UNC5D: variants seen among roughly 807,000 people sequenced by gnomAD.
The protein encoded by UNC5D is netrin receptor UNC5D.
Under a neutral mutation model 105.4 loss-of-function variants are expected in UNC5D, and 39 were observed. The observed-to-expected ratio is 0.37, with a 90% CI of 0.29 to 0.48. The LOEUF is 0.48. Ranked by LOEUF, UNC5D falls within the 20% of genes least tolerant of loss-of-function variation. The probability of loss-of-function intolerance (pLI) is 0.98; values close to 1 mark genes in which losing one functional copy is unlikely to be tolerated. For missense variants in UNC5D, 991 were observed against 1,202.4 expected, an observed-to-expected ratio of 0.82 and a Z score of 2.60; for synonymous variants, 452 against 450.4, an observed-to-expected ratio of 1.00 and a Z score of -0.04.
At chr8:35,248,346 A>G (rs181809213) in intron 1 of UNC5D, among the ~76,000 whole-genome samples, 414 of 39,998 alleles carry the variant, frequency 0.01, 14 homozygotes, top group East Asian at 0.051. Context: ...TAATATATAA[A>G]TATATGTTAT....
intron 11 of UNC5D, 111 bp downstream of exon 11, chr8:35,731,207 T>G (rs1054268603): frequency 3.6e-5 from 34 of 940,146 alleles, no homozygotes; most frequent in Admixed American, 3.3e-4. Flanking sequence ...GAGACCAGCC[T>G]GGCCAACATG....
At chr8:35,391,238 G>A (rs1425699350) in intron 1 of UNC5D, among the ~76,000 whole-genome samples, 2 of 152,162 alleles carry the variant, frequency 1.3e-5, no homozygotes, top group South Asian at 2.1e-4. Context: ...AAGCCACCTC[G>A]TGTACTTTCC....
At chr8:35,325,018 AACCTTGTAAAG>A (rs1810039841) in intron 1 of UNC5D, among the ~76,000 whole-genome samples, 1 of 152,190 alleles carries the variant, frequency 6.6e-6, no homozygotes, top group Admixed American at 6.5e-5. Flanking sequence ...AAGTAGAAGC[AACCTTGTAAAG>A]ACTGAAAGTC....
chr8:35,704,291 A>G (rs1175189800), intron 7 of UNC5D, among the ~76,000 whole-genome samples: 2 of 152,208 alleles, frequency 1.3e-5, no homozygotes, highest in East Asian at 3.9e-4. Context: ...CTGCATTTAT[A>G]GCACACTGCA....
intron 4 of UNC5D, among the ~76,000 whole-genome samples, chr8:35,657,078 GTGTATATATATATATA>G (rs1238501056): frequency 0.027 from 2,192 of 80,376 alleles, 95 homozygotes; most frequent in African/African-American, 0.12. Context: ...GTGTGTGTGT[GTGTATATATATATATA>G]TATATATATA....
intron 3 of UNC5D, among the ~76,000 whole-genome samples, chr8:35,587,334 A>T (rs2579905): frequency 0.48 from 72,746 of 152,012 alleles, 21,126 homozygotes; most frequent in African/African-American, 0.83. Context: ...AATGAATGAA[A>T]GTGTTATTTT....
At chr8:35,541,509 C>T (rs1815272528) in intron 1 of UNC5D, among the ~76,000 whole-genome samples, 1 of 152,186 alleles carries the variant, frequency 6.6e-6, no homozygotes, top group South Asian at 2.1e-4. Context: ...CCTAAGATTT[C>T]TCTCTTACCT....
chr8:35,353,967 T>G (rs902483695), intron 1 of UNC5D, among the ~76,000 whole-genome samples: 1 of 152,152 alleles, frequency 6.6e-6, no homozygotes, highest in African/African-American at 2.4e-5. Flanking sequence ...CTGCATACTC[T>G]TTACAAAGCT....
At chr8:35,497,292 G>C (rs1284565077) in intron 1 of UNC5D, among the ~76,000 whole-genome samples, 1 of 152,296 alleles carries the variant, frequency 6.6e-6, no homozygotes, top group Admixed American at 6.5e-5. Context: ...CCTCTGGAAT[G>C]AGGGTCTTAT....
At chr8:35,685,317 A>C (rs921081828) in intron 6 of UNC5D, among the ~76,000 whole-genome samples, 1 of 152,218 alleles carries the variant, frequency 6.6e-6, no homozygotes. Context: ...TCATTTACCA[A>C]GTATGGCTTT....
At chr8:35,437,832 G>A (rs1354787506) in intron 1 of UNC5D, among the ~76,000 whole-genome samples, 1 of 151,654 alleles carries the variant, frequency 6.6e-6, no homozygotes, top group Non-Finnish European at 1.5e-5. Context: ...TTTAGTAACA[G>A]GAGCAATTGG....
intron 1 of UNC5D, among the ~76,000 whole-genome samples, chr8:35,428,666 G>A (rs760635171): frequency 1.4e-4 from 22 of 151,904 alleles, no homozygotes; most frequent in Non-Finnish European, 2.4e-4. Flanking sequence ...GTTTCACAAT[G>A]GGTACCTGAG....
At position 35,631,220 on chromosome 8, in the gene UNC5D, A is replaced by C. The variant is rs141846363; in HGVS notation, c.570+35563A>C. 3.3e-5 allele frequency among the ~76,000 whole-genome samples: 5 copies of C among 152,156 alleles called. No individual in the cohort carries two copies. The East Asian group carries it at 9.7e-4, about 30-fold the overall frequency. On this transcript the variant is annotated intron_variant, in intron 4 of 16. Transcript: ENST00000404895. ...TCCCAGCTACTGGGGAGACTGAGGC[A>C]GGAGAATGGCTTCAACCCAGGAGGC...
chr8:35,435,860 G>A (rs796816575), intron 1 of UNC5D, among the ~76,000 whole-genome samples: 12 of 152,128 alleles, frequency 7.9e-5, no homozygotes, highest in African/African-American at 2.9e-4. Context: ...CATTTTCTGA[G>A]CTGCAGAATA....
Position 35,681,420 on chromosome 8 carries a change from C to T in UNC5D, c.571-2127C>T, listed in dbSNP as rs74987938. 5.9e-3 allele frequency among the ~76,000 whole-genome samples: 898 copies of T among 152,312 alleles called. 12 individuals carry two copies. The highest frequency in any genetic ancestry group is 0.021 in the African/African-American group (872 of 41,570). On this transcript the variant is annotated intron_variant, in intron 4 of 16. Transcript: ENST00000404895. ...GTTTTGTTCACCTGGTTTTACCCAG[C>T]TCTCAGTACAATCTCTGATACTCAA... is the stretch of plus-strand genomic sequence containing the variant.
chr8:35,235,746 G>A lies in UNC5D; in HGVS notation c.-39G>A. 1.6e-6 allele frequency: 2 copies of A among 1,225,436 alleles called. No homozygotes were observed. The highest frequency in any genetic ancestry group is 3.2e-5 in the East Asian group (1 of 31,318). The allele number at this position is 1,225,436 out of a possible 1,614,324, so 75.9% of individuals were successfully genotyped here. On this transcript the variant is annotated 5_prime_UTR_variant, in exon 1 of 17. Transcript: ENST00000404895. ...GCCGACCCTTTCCCGGGCTCCCGGA[G>A]CGTGAAGAAGAGCCGCCCTCCGGAA...
At chr8:35,554,601 A>G (rs1317064854) in intron 2 of UNC5D, among the ~76,000 whole-genome samples, 1 of 152,242 alleles carries the variant, frequency 6.6e-6, no homozygotes, top group Non-Finnish European at 1.5e-5. Flanking sequence ...TATGTCATAC[A>G]CACAATAGTA....
chr8:35,536,577 G>C (rs1367968207), intron 1 of UNC5D, among the ~76,000 whole-genome samples: 2 of 152,160 alleles, frequency 1.3e-5, no homozygotes, highest in African/African-American at 2.4e-5. Flanking sequence ...TTTGTCAACA[G>C]ATACCCTTTC....
chr8:35,528,315 C>T (rs1417122543), intron 1 of UNC5D, among the ~76,000 whole-genome samples: 30 of 151,250 alleles, frequency 2.0e-4, no homozygotes, highest in African/African-American at 5.8e-4. Flanking sequence ...TTTGTTCTTG[C>T]GATAGTTTAC....
Sources: allele counts gnomAD v4.1 joint callset (sites outside exome capture counted in the v4.1 genomes callset), GRCh38; gene constraint gnomAD v4.1.1; transcripts MANE v1.5; gene names NCBI Gene and HGNC (gene_info 2026-07-23, HGNC 2026-07-21).